ZFX: variants seen among roughly 807,000 people sequenced by gnomAD.
ZFX encodes zinc finger protein X-linked.
For missense variants in ZFX, 362 were observed against 628.3 expected (o/e 0.58, Z 4.53); for synonymous variants, 196 against 226.8 (o/e 0.86, Z 1.22).
intron 5 of ZFX, among the ~76,000 whole-genome samples, chrX:24,197,900 C>G (rs773302695): frequency 4.5e-5 from 5 of 111,779 alleles, no homozygotes; most frequent in African/African-American, 1.6e-4. Context: ...TTCAAGTATT[C>G]AGGAATTCAG....
At chrX:24,155,514 A>G (rs765105066) in intron 3 of ZFX, among the ~76,000 whole-genome samples, 43 of 112,284 alleles carry the variant, frequency 3.8e-4, no homozygotes, top group African/African-American at 1.3e-3. Context: ...GAACATCCTT[A>G]TACATGGTTT....
rs66467960 is a variant in ZFX at position 24,163,364 on chromosome X, G to GTTTTTTTTTTTTTTTTTTTT, written c.-28-9339_-28-9320dup. The stretch of plus-strand genomic sequence containing the variant: ...AATTTGGTTAAATTATTTTTGTTAG[G>GTTTTTTTTTTTTTTTTTTTT]TTTTTTTTTTTTTTTTTTTTTTTTT... On this transcript the variant is annotated intron_variant, in intron 3 of 9. Coordinates refer to ENST00000304543, the MANE Select transcript of ZFX (RefSeq NM_003410.4). Among the ~76,000 whole-genome samples the GTTTTTTTTTTTTTTTTTTTT allele has an allele frequency of 4.2e-4, 8 of 19,049 alleles. 3 individuals are homozygous for GTTTTTTTTTTTTTTTTTTTT. The highest frequency in any genetic ancestry group is 6.5e-4 in the Non-Finnish European group (8 of 12,225). The allele number at this position is 19,049 out of a possible 115,157, so 16.5% of individuals were successfully genotyped here.
At chrX:24,162,957 G>A (rs765045363) in intron 3 of ZFX, among the ~76,000 whole-genome samples, 3 of 111,305 alleles carry the variant, frequency 2.7e-5, no homozygotes, top group Admixed American at 9.6e-5. Context: ...GTGGTCTTTC[G>A]TGTCTGGCTC....
intron 4 of ZFX, 83 bp from the exon 5 acceptor site, chrX:24,179,100 C>T: frequency 1.2e-6 from 1 of 848,627 alleles, no homozygotes; most frequent in African/African-American, 2.0e-5. Flanking sequence ...AATCTGTTTT[C>T]CCAGTAGAAA....
chrX:24,173,354 AAAGAAG>A (rs1295905715), intron 4 of ZFX, among the ~76,000 whole-genome samples: 2 of 110,964 alleles, frequency 1.8e-5, no homozygotes, highest in Non-Finnish European at 3.8e-5. Flanking sequence ...CCCAGTAGAT[AAAGAAG>A]GTCTCCCACA....
At chrX:24,181,645 A>G (rs1402575541) in intron 5 of ZFX, among the ~76,000 whole-genome samples, 3 of 112,079 alleles carry the variant, frequency 2.7e-5, no homozygotes, top group African/African-American at 9.7e-5. Context: ...AATAGAATTG[A>G]TAGATCAAAG....
intron 3 of ZFX, among the ~76,000 whole-genome samples, chrX:24,166,950 A>G (rs1934059147): frequency 8.9e-6 from 1 of 112,141 alleles, no homozygotes; most frequent in Non-Finnish European, 1.9e-5. Flanking sequence ...CACCAACATC[A>G]AAAGCAGGGA....
At position 24,212,468 on chromosome X, in the gene ZFX, A is replaced by AGAT. The variant is rs2034151078; in HGVS notation, c.*1093_*1095dup. On this transcript the variant is annotated 3_prime_UTR_variant, in exon 10 of 10. Transcript: ENST00000304543. ...GGACACTAGTATTTTTAAAGAGTAA[A>AGAT]GATATTTTCTTTTAAATATCTTTGG... 3 of 112,609 alleles carry AGAT rather than the reference A, an allele frequency of 2.7e-5. No individual in the cohort carries two copies. Among genetic ancestry groups the AGAT allele is most frequent in the Admixed American group, 9.4e-5 (1 of 10,588 alleles). The allele number at this position is 112,609 out of a possible 1,213,427, so 9.3% of individuals were successfully genotyped here.
In ZFX at chrX:24,169,714, C is replaced by T. The variant is rs190170765; in HGVS notation, c.-28-3001C>T. 2.5e-3 allele frequency among the ~76,000 whole-genome samples: 273 copies of T among 110,464 alleles called. 1 individual carries two copies. Among genetic ancestry groups the T allele is most frequent in the Non-Finnish European group, 2.9e-3 (151 of 52,856 alleles). The stretch of plus-strand genomic sequence containing the variant: ...TATCAGGAGAAGGCTGGGTTTTATC[C>T]GGATGAGAATATTCAACAGTCTGTT... On this transcript the variant is annotated intron_variant, in intron 3 of 9. Coordinates refer to ENST00000304543, the MANE Select transcript of ZFX (RefSeq NM_003410.4).
At chrX:24,191,574 G>A (rs1362327888) in intron 5 of ZFX, among the ~76,000 whole-genome samples, 2 of 111,894 alleles carry the variant, frequency 1.8e-5, no homozygotes, top group South Asian at 7.4e-4. Flanking sequence ...GAACATCTAA[G>A]TTCTGGGGTT....
rs1387416493 is a variant in ZFX, at chrX:24,151,814, C to A, written c.-140+14C>A. On this transcript the variant is annotated intron_variant, in intron 2 of 9. Transcript: ENST00000304543. ...CTGTGCTTTACGGTACTTAGTAGTTCCATTGGACTAGGAAAAGTTTCAAAG... is the reference window on the plus strand; with the variant it reads ...CTGTGCTTTACGGTACTTAGTAGTTACATTGGACTAGGAAAAGTTTCAAAG... 1 of 111,579 alleles carries A rather than the reference C, an allele frequency of 9.0e-6. No homozygotes were observed. Among genetic ancestry groups the A allele is most frequent in the Non-Finnish European group, 1.9e-5 (1 of 53,144 alleles). The allele number at this position is 111,579 out of a possible 1,213,427, so 9.2% of individuals were successfully genotyped here. A position where few individuals can be genotyped will look rare whatever the true frequency, so the allele number is the denominator to read the frequency against.
intron 3 of ZFX, among the ~76,000 whole-genome samples, chrX:24,156,816 G>A (rs948131134): frequency 2.7e-5 from 3 of 109,955 alleles, no homozygotes; most frequent in Non-Finnish European, 3.8e-5. Context: ...AACCACGCCC[G>A]GCTAATTTTT....
At chrX:24,192,668 A>G (rs934237355) in intron 5 of ZFX, among the ~76,000 whole-genome samples, 2 of 111,391 alleles carry the variant, frequency 1.8e-5, no homozygotes, top group African/African-American at 6.5e-5. Flanking sequence ...GCATTTTTGG[A>G]GGCTGAGGCG....
intron 8 of ZFX, 105 bp from the exon 9 acceptor site, chrX:24,208,795 C>T: frequency 1.2e-6 from 1 of 854,182 alleles, no homozygotes; most frequent in East Asian, 3.4e-5. Context: ...TTCTGTCATT[C>T]ATGAGTATCA....
chrX:24,158,700 G>A (rs1170318821), intron 3 of ZFX, among the ~76,000 whole-genome samples: 1 of 108,812 alleles, frequency 9.2e-6, no homozygotes, highest in African/African-American at 3.4e-5. Context: ...GCAATGGTGC[G>A]ATCTCGGCTC....
chrX:24,177,246 T>C (rs933205507), intron 4 of ZFX, among the ~76,000 whole-genome samples: 5 of 112,326 alleles, frequency 4.5e-5, no homozygotes, highest in African/African-American at 6.5e-5. Context: ...TTTATTTTAT[T>C]TTATATTTTT....
At chrX:24,195,421 C>T (rs1601934954) in intron 5 of ZFX, among the ~76,000 whole-genome samples, 2 of 108,470 alleles carry the variant, frequency 1.8e-5, no homozygotes, top group Admixed American at 9.9e-5. Context: ...GGCGCGATCT[C>T]GGCTCACTGC....
rs1344703720 is a variant in ZFX, at chrX:24,172,435, AGATG to A, written c.-28-279_-28-276del. Among the ~76,000 whole-genome samples the A allele has an allele frequency of 6.2e-5, 7 of 112,196 alleles. No individual in the cohort carries two copies. The South Asian group carries it at 2.2e-3, about 35-fold the overall frequency. On this transcript the variant is annotated intron_variant, in intron 3 of 9. Coordinates refer to ENST00000304543, the MANE Select transcript of ZFX (RefSeq NM_003410.4). ...TTTATGTATGTATTAGAATTCATCAAGATGTGTGCACTTGATAGACCTAAGCAAT... is the reference window on the plus strand; with the variant it reads ...TTTATGTATGTATTAGAATTCATCAATGTGCACTTGATAGACCTAAGCAAT...
Position 24,211,350 on chromosome X carries a change from C to T in ZFX, c.2392C>T (p.His798Tyr). ...AGAAAAGAACCAGCACATAATGCGA[C>T]ATCATAAAGAAGTTGGCCTGCCCTA... ...PSEKNQHIMRHHKEVGLP is the reference protein window; with the variant it reads ...PSEKNQHIMRYHKEVGLP The change falls in exon 10 of 10, where the codon CAT (histidine) becomes TAT (tyrosine). Residue 798 changes from histidine (H) to tyrosine (Y), a missense_variant. By Grantham distance (83) the His-to-Tyr change is moderately conservative. Coordinates refer to ENST00000304543, the MANE Select transcript of ZFX (RefSeq NM_003410.4). 8.3e-7 allele frequency: 1 copy of T among 1,212,102 alleles called. No individual in the cohort carries two copies. The highest frequency in any genetic ancestry group is 1.1e-6 in the Non-Finnish European group (1 of 895,625).
Sources: allele counts gnomAD v4.1 joint callset (sites outside exome capture counted in the v4.1 genomes callset), GRCh38; gene constraint gnomAD v4.1.1; transcripts MANE v1.5; gene names NCBI Gene and HGNC (gene_info 2026-07-23, HGNC 2026-07-21).